Variants in ARPC2 observed in about 807,000 individuals in gnomAD.
ARPC2 encodes actin related protein 2/3 complex subunit 2.
In ARPC2, 4 loss-of-function variants were observed where a neutral mutation model predicts 38.6. That is an observed-to-expected ratio of 0.10 (90% confidence interval 0.05 to 0.24). The LOEUF (loss-of-function observed/expected upper bound fraction) is 0.24, where lower values mean the gene tolerates loss of function less well. ARPC2 is among the 10% of genes least tolerant of loss of function. The pLI, the probability that ARPC2 is intolerant of heterozygous loss-of-function variation, is 1.00. For missense variants in ARPC2, 229 were observed against 387.3 expected, an observed-to-expected ratio of 0.59 and a Z score of 3.43; for synonymous variants, 125 against 140.8, an observed-to-expected ratio of 0.89 and a Z score of 0.79.
In ARPC2 at chr2:218,225,941, A is replaced by G; in HGVS notation, c.96A>G (p.Glu32=). The G allele has an allele frequency of 6.2e-7, 1 of 1,613,776 alleles. No homozygotes were observed. Among genetic ancestry groups the G allele is most frequent in the Non-Finnish European group, 8.5e-7 (1 of 1,179,714 alleles). ...AAAGNKPEAV[E]VTFADFDGVL... is the part of the protein sequence containing the mutation. The stretch of plus-strand genomic sequence containing the variant: ...ACAGAAACAAACCGGAAGCAGTAGA[A>G]GTAACATTTGCAGGTAAGCATCTTT... Residue 32 remains glutamate, a synonymous_variant, in exon 3 of 11, where the codon GAA becomes GAG. Transcript: ENST00000315717.
chr2:218,251,217 T>G (rs1559484826), intron 10 of ARPC2, among the ~76,000 whole-genome samples: 1 of 152,000 alleles, frequency 6.6e-6, no homozygotes, highest in Non-Finnish European at 1.5e-5. Context: ...TTGTTTTTGT[T>G]TTTTGTTTTT....
chr2:218,254,108 TAA>T lies in ARPC2; in HGVS notation c.*208_*209del, dbSNP rs376913304. The T allele has an allele frequency of 0.036, 15,025 of 412,090 alleles. No homozygotes were observed. Among genetic ancestry groups the T allele is most frequent in the Middle Eastern group, 0.058 (86 of 1,494 alleles). The allele number at this position is 412,090 out of a possible 1,614,324, so 25.5% of individuals were successfully genotyped here. ...CAAAGACTTCATAGTTCCCAAGAAT[TAA>T]AAAAAAAAAAAAAAGAATTCCACTT... On this transcript the variant is annotated 3_prime_UTR_variant, in exon 11 of 11. Coordinates refer to ENST00000315717, the MANE Select transcript of ARPC2 (RefSeq NM_152862.3).
In ARPC2 at chr2:218,249,473, G is replaced by C; in HGVS notation, c.777+9G>C. 6.4e-7 allele frequency: 1 copy of C among 1,574,666 alleles called. No individual in the cohort carries two copies. The highest frequency in any genetic ancestry group is 8.7e-7 in the Non-Finnish European group (1 of 1,152,112). The stretch of plus-strand genomic sequence containing the variant: ...ACATCAAGTGCTCTAAGGTGAGGGG[G>C]GTGCCAGCATCTCAGCCTCTATGCT... On this transcript the variant is annotated intron_variant, in intron 9 of 10. Coordinates refer to ENST00000315717, the MANE Select transcript of ARPC2 (RefSeq NM_152862.3).
intron 5 of ARPC2, among the ~76,000 whole-genome samples, chr2:218,237,666 A>G (rs992212048): frequency 1.3e-5 from 2 of 151,312 alleles, no homozygotes; most frequent in Admixed American, 6.6e-5. Context: ...TCCTGGGTTC[A>G]AGCAATTCTC....
At chr2:218,218,220 ATGCT>A (rs1210655169) in intron 2 of ARPC2, among the ~76,000 whole-genome samples, 2 of 152,160 alleles carry the variant, frequency 1.3e-5, no homozygotes, top group Admixed American at 6.5e-5. Context: ...TGAGGTTCTA[ATGCT>A]CTCTCCTCAC....
intron 4 of ARPC2, among the ~76,000 whole-genome samples, chr2:218,232,736 A>T (rs1420188604): frequency 6.6e-6 from 1 of 151,426 alleles, no homozygotes; most frequent in Non-Finnish European, 1.5e-5. Context: ...TGCCCAGCTA[A>T]TTTTTTTGTT....
At chr2:218,233,305 A>G (rs989201415) in intron 4 of ARPC2, 3 of 152,004 alleles carry the variant, frequency 2.0e-5, no homozygotes, top group African/African-American at 7.3e-5. Flanking sequence ...GTGAGCTGAG[A>G]TTGCACCACT....
At chr2:218,239,593 AT>A (rs34974153) in intron 7 of ARPC2, 109 bp downstream of exon 7, 246,556 of 618,768 alleles carry the variant, frequency 0.4, 15,997 homozygotes, top group South Asian at 0.44. Context: ...TGATGTTAGA[AT>A]TTTTTTTTTT....
At chr2:218,230,287 C>CTTT (rs768585570) in intron 4 of ARPC2, among the ~76,000 whole-genome samples, 79 of 73,016 alleles carry the variant, frequency 1.1e-3, no homozygotes, top group African/African-American at 1.8e-3. Context: ...TTTTTTTTTT[C>CTTT]TTTTTTTTTT....
chr2:218,234,458 A>G (rs1323079129), intron 5 of ARPC2, 61 bp downstream of exon 5: 11 of 1,322,404 alleles, frequency 8.3e-6, no homozygotes, highest in Non-Finnish European at 7.4e-6. Flanking sequence ...TTTTTATATT[A>G]TGCTTTTTTT....
intron 8 of ARPC2, among the ~76,000 whole-genome samples, chr2:218,247,785 T>A (rs907310144): frequency 1.3e-5 from 2 of 151,822 alleles, no homozygotes; most frequent in Non-Finnish European, 1.5e-5. Context: ...CTACAAAAAA[T>A]ACAAAAACTT....
intron 2 of ARPC2, among the ~76,000 whole-genome samples, chr2:218,219,708 C>T (rs1441711744): frequency 2.0e-5 from 3 of 152,022 alleles, no homozygotes; most frequent in Admixed American, 1.3e-4. Context: ...GGTGTGTATG[C>T]TTGTGCACAT....
intron 4 of ARPC2, chr2:218,229,106 A>G (rs1689573096): frequency 6.4e-6 from 2 of 312,862 alleles, no homozygotes; most frequent in Non-Finnish European, 1.2e-5. Context: ...CTTTTCCTTG[A>G]TCAGTACAAA....
intron 4 of ARPC2, among the ~76,000 whole-genome samples, chr2:218,231,450 C>T (rs1222652752): frequency 6.6e-6 from 1 of 152,246 alleles, no homozygotes; most frequent in Non-Finnish European, 1.5e-5. Context: ...ATCCCCACCA[C>T]ATCTGATTTC....
chr2:218,241,687 A>T lies in ARPC2; in HGVS notation c.549+2203A>T, dbSNP rs919863864. 2.6e-5 allele frequency among the ~76,000 whole-genome samples: 4 copies of T among 152,222 alleles called. No homozygotes were observed. In the East Asian group the frequency reaches 7.7e-4, roughly 29 times the overall value. ...TTTGTTCCTTAGGAGAATTTTGTGT[A>T]TTCTTTTTTGGCATATGATTTAAAT... is the stretch of plus-strand genomic sequence containing the variant. On this transcript the variant is annotated intron_variant, in intron 7 of 10. Coordinates refer to ENST00000315717, the MANE Select transcript of ARPC2 (RefSeq NM_152862.3).
chr2:218,226,626 CAAAAAAAAAA>C (rs34789459), intron 3 of ARPC2, among the ~76,000 whole-genome samples: 4 of 61,462 alleles, frequency 6.5e-5, no homozygotes, highest in African/African-American at 2.7e-4. Flanking sequence ...GACTCCATCT[CAAAAAAAAAA>C]AAAAAAAAAA....
At chr2:218,244,484 G>C (rs565474864) in intron 7 of ARPC2, among the ~76,000 whole-genome samples, 1 of 152,236 alleles carries the variant, frequency 6.6e-6, no homozygotes. Context: ...CTCTTTGAAA[G>C]ACAGAAGAAT....
At chr2:218,245,302 C>A in intron 7 of ARPC2, 118 bp from the exon 8 acceptor site, 3 of 1,294,490 alleles carry the variant, frequency 2.3e-6, no homozygotes, top group Non-Finnish European at 3.2e-6. Context: ...TTATTTTTAA[C>A]CTCCTGCTGG....
intron 4 of ARPC2, among the ~76,000 whole-genome samples, chr2:218,230,387 G>A (rs960167392): frequency 7.2e-6 from 1 of 138,890 alleles, no homozygotes; most frequent in Non-Finnish European, 1.5e-5. Context: ...AACCTCCCAG[G>A]CTCAAGCAGT....
Sources: gnomAD v4.1 joint callset for allele counts (sites outside exome capture counted in the v4.1 genomes callset) on GRCh38, gnomAD v4.1.1 for gene constraint, MANE v1.5 for transcripts, NCBI Gene and HGNC (gene_info 2026-07-23, HGNC 2026-07-21) for gene names.